FGGY: variants seen among roughly 807,000 people sequenced by gnomAD.
The protein encoded by FGGY is FGGY carbohydrate kinase domain-containing protein.
FGGY carries 72 observed loss-of-function variants against 71.3 expected under a neutral mutation model. That is an observed-to-expected ratio of 1.01 (90% CI 0.84 to 1.23). The LOEUF (loss-of-function observed/expected upper bound fraction) is 1.23. Among genes scored for constraint, FGGY ranks in the 50% most tolerant of loss-of-function variants. The probability of loss-of-function intolerance (pLI) is 0.00; values close to 1 mark genes in which losing one functional copy is unlikely to be tolerated. For synonymous variants in FGGY, 251 were observed against 250.3 expected (o/e 1.00, Z -0.02); for missense variants, 668 against 682.3 (o/e 0.98, Z 0.23).
intron 6 of FGGY, among the ~76,000 whole-genome samples, chr1:59,491,288 G>A (rs528327249): frequency 9.9e-5 from 15 of 150,884 alleles, no homozygotes; most frequent in African/African-American, 3.4e-4. Context: ...TAGGGATTAC[G>A]TTGAGTGTGT....
intron 7 of FGGY, among the ~76,000 whole-genome samples, chr1:59,533,944 G>A (rs1024368528): frequency 1.3e-5 from 2 of 152,222 alleles, no homozygotes; most frequent in African/African-American, 4.8e-5. Context: ...CCAAAGGAAC[G>A]GAGTTCCTCA....
intron 9 of FGGY, among the ~76,000 whole-genome samples, chr1:59,624,868 C>A (rs1489363500): frequency 6.6e-6 from 1 of 152,112 alleles, no homozygotes; most frequent in Non-Finnish European, 1.5e-5. Context: ...GGGACACAGA[C>A]AAACCATATC....
intron 1 of FGGY, among the ~76,000 whole-genome samples, chr1:59,318,181 A>G (rs983534684): frequency 1.6e-4 from 24 of 152,248 alleles, no homozygotes; most frequent in African/African-American, 5.8e-4. Context: ...TATTTTCCTC[A>G]TCAGTAAAAT....
chr1:59,299,929 G>A (rs533949149), intron 1 of FGGY, among the ~76,000 whole-genome samples: 2 of 152,308 alleles, frequency 1.3e-5, no homozygotes, highest in African/African-American at 4.8e-5. Flanking sequence ...GGGTGGAGCA[G>A]GTGATCGAAA....
chr1:59,580,047 T>G (rs2153748196), intron 8 of FGGY, among the ~76,000 whole-genome samples: 1 of 152,216 alleles, frequency 6.6e-6, no homozygotes, highest in East Asian at 1.9e-4. Context: ...AACTGCATGC[T>G]TCACTCACTC....
At chr1:59,301,382 G>T (rs971761486) in intron 1 of FGGY, among the ~76,000 whole-genome samples, 1 of 152,114 alleles carries the variant, frequency 6.6e-6, no homozygotes, top group Admixed American at 6.5e-5. Flanking sequence ...CTATTTAGGT[G>T]ATCCTGTCAT....
At chr1:59,590,596 A>C (rs1357678618) in intron 8 of FGGY, among the ~76,000 whole-genome samples, 1 of 152,184 alleles carries the variant, frequency 6.6e-6, no homozygotes, top group Non-Finnish European at 1.5e-5. Flanking sequence ...CACCATGATC[A>C]AGTGGGCTTC....
intron 6 of FGGY, among the ~76,000 whole-genome samples, chr1:59,510,478 A>G (rs900910002): frequency 6.6e-6 from 1 of 152,242 alleles, no homozygotes; most frequent in Non-Finnish European, 1.5e-5. Context: ...AGCCAAGGAC[A>G]CTGCTCTCTT....
chr1:59,418,714 C>T (rs990596200), intron 5 of FGGY, among the ~76,000 whole-genome samples: 7 of 151,704 alleles, frequency 4.6e-5, no homozygotes, highest in African/African-American at 1.5e-4. Flanking sequence ...TTGATTTTTT[C>T]TTTTTTTGTG....
intron 4 of FGGY, among the ~76,000 whole-genome samples, chr1:59,352,840 C>G (rs145517833): frequency 6.6e-6 from 1 of 152,292 alleles, no homozygotes; most frequent in Non-Finnish European, 1.5e-5. Context: ...TTTTCTCTAT[C>G]TTAAACCTTA....
intron 14 of FGGY, among the ~76,000 whole-genome samples, chr1:59,714,504 T>C (rs2097827455): frequency 6.6e-6 from 1 of 152,236 alleles, no homozygotes; most frequent in South Asian, 2.1e-4. Flanking sequence ...ACTCTGGGAA[T>C]AGACAGACAT....
intron 5 of FGGY, among the ~76,000 whole-genome samples, chr1:59,380,156 T>C (rs2059226688): frequency 6.6e-6 from 1 of 151,608 alleles, no homozygotes; most frequent in South Asian, 2.1e-4. Context: ...TAGTATTCCA[T>C]GGTGTATATG....
chr1:59,352,084 A>G (rs989698883), intron 4 of FGGY, among the ~76,000 whole-genome samples: 13 of 152,240 alleles, frequency 8.5e-5, no homozygotes, highest in African/African-American at 2.7e-4. Context: ...TGAATTTTTC[A>G]TAACCCCCAG....
chr1:59,656,575 C>T (rs1558699790), intron 11 of FGGY, among the ~76,000 whole-genome samples: 1 of 152,208 alleles, frequency 6.6e-6, no homozygotes, highest in Non-Finnish European at 1.5e-5. Context: ...ACAAGGACCT[C>T]AGACCACAGT....
chr1:59,617,310 G>T (rs1389780692), intron 9 of FGGY, among the ~76,000 whole-genome samples: 1 of 151,876 alleles, frequency 6.6e-6, no homozygotes, highest in Non-Finnish European at 1.5e-5. Context: ...AAAAACCATG[G>T]ATTTTAAAAA....
chr1:59,481,864 CAT>C (rs1166287544), intron 6 of FGGY, among the ~76,000 whole-genome samples: 2 of 152,152 alleles, frequency 1.3e-5, no homozygotes, highest in East Asian at 3.8e-4. Context: ...TGAAGAAACA[CAT>C]GTTTACCCAT....
chr1:59,584,052 C>T (rs1038974244), intron 8 of FGGY, among the ~76,000 whole-genome samples: 10 of 149,562 alleles, frequency 6.7e-5, no homozygotes, highest in South Asian at 2.1e-4. Context: ...AGTCCAGGAC[C>T]GGATGGATTC....
chr1:59,644,626 C>CCA (rs1491032098), intron 11 of FGGY, among the ~76,000 whole-genome samples: 3 of 151,936 alleles, frequency 2.0e-5, no homozygotes, highest in Non-Finnish European at 4.4e-5. Flanking sequence ...CGCCCCCCCC[C>CCA]ACCCAAAGAA....
chr1:59,454,311 G>A (rs916319361), intron 5 of FGGY, among the ~76,000 whole-genome samples: 21 of 152,100 alleles, frequency 1.4e-4, no homozygotes, highest in African/African-American at 3.6e-4. Context: ...GGGAGCTATC[G>A]TACCTCCCCA....
Sources: gnomAD v4.1 joint callset for allele counts (sites outside exome capture counted in the v4.1 genomes callset) on GRCh38, gnomAD v4.1.1 for gene constraint, MANE v1.5 for transcripts, NCBI Gene and HGNC (gene_info 2026-07-23, HGNC 2026-07-21) for gene names.